The following FAM13B variants were observed in gnomAD, a reference collection of about 807,000 sequenced individuals.
The protein encoded by FAM13B is family with sequence similarity 13 member B.
A neutral mutation model predicts 117.3 loss-of-function variants in FAM13B; 60 were observed. That is an observed-to-expected ratio of 0.51 (90% confidence interval 0.42 to 0.63). FAM13B has a LOEUF of 0.63. Among genes scored for constraint, FAM13B ranks in the 30% least tolerant of loss-of-function variants. FAM13B has a pLI of 0.00. For missense variants in FAM13B, 972 were observed against 1,091.9 expected, an observed-to-expected ratio of 0.89 and a Z score of 1.55; for synonymous variants, 332 against 356.1, an observed-to-expected ratio of 0.93 and a Z score of 0.76.
intron 1 of FAM13B, among the ~76,000 whole-genome samples, chr5:138,026,308 C>T (rs1217609029): frequency 6.6e-6 from 1 of 151,978 alleles, no homozygotes. Context: ...TGTATATAAA[C>T]CATACTTCAA....
chr5:138,024,683 G>C (rs76271710), intron 1 of FAM13B, among the ~76,000 whole-genome samples: 5,024 of 151,702 alleles, frequency 0.033, 189 homozygotes, highest in Admixed American at 0.11. Flanking sequence ...ATAAAATGTC[G>C]AGAAAGCAGT....
At chr5:137,949,814 A>T (rs936582800) in intron 17 of FAM13B, among the ~76,000 whole-genome samples, 30 of 135,572 alleles carry the variant, frequency 2.2e-4, no homozygotes, top group African/African-American at 7.5e-4. Flanking sequence ...AAAAAAAAAA[A>T]GCTGAGCACT....
chr5:137,987,048 T>A (rs913022388), intron 9 of FAM13B, among the ~76,000 whole-genome samples: 12 of 152,178 alleles, frequency 7.9e-5, no homozygotes, highest in Non-Finnish European at 1.8e-4. Flanking sequence ...AAAGGATGAT[T>A]CTGCCCACCA....
chr5:137,950,015 T>A (rs1377340615), intron 17 of FAM13B, among the ~76,000 whole-genome samples: 2 of 152,126 alleles, frequency 1.3e-5, no homozygotes, highest in African/African-American at 4.8e-5. Context: ...ATTATTTTTA[T>A]ATCCATAGAG....
At position 138,033,077 on chromosome 5, in the gene FAM13B, G is replaced by A; in HGVS notation, c.-498C>T. 1 of 986,120 alleles carries A rather than the reference G, an allele frequency of 1.0e-6. No homozygotes were observed. The highest frequency in any genetic ancestry group is 1.2e-6 in the Non-Finnish European group (1 of 830,566). 61.1% of individuals were successfully genotyped at this position (986,120 alleles called of 1,614,324 possible). ...CCTAACGGCGAGCGGGAGGAGAGCG[G>A]CTGGCGGGCGGAGGCCGGGCCGGAC... On this transcript the variant is annotated 5_prime_UTR_variant, in exon 1 of 24. Transcript: ENST00000689681.
At position 137,980,454 on chromosome 5, in the gene FAM13B, T is replaced by G. The variant is rs199609859; in HGVS notation, c.1179+4803A>C. The stretch of plus-strand genomic sequence containing the variant: ...TACACTAATTTCTTTTTTTTTTTTT[T>G]TTTTTTGAGACAGGGTCTCACTCTG... On this transcript the variant is annotated intron_variant, in intron 10 of 23. Coordinates refer to ENST00000689681, the MANE Select transcript of FAM13B (RefSeq NM_001385994.1). Among the ~76,000 whole-genome samples the G allele has an allele frequency of 1.1e-3, 158 of 149,268 alleles. 3 individuals carry two copies. The East Asian group carries it at 0.021, about 20-fold the overall frequency.
At chr5:137,968,497 A>G (rs570428830) in intron 10 of FAM13B, among the ~76,000 whole-genome samples, 2 of 152,048 alleles carry the variant, frequency 1.3e-5, no homozygotes, top group Admixed American at 1.3e-4. Flanking sequence ...CCAATACATT[A>G]TAGGACTGTG....
chr5:137,941,856 C>G, intron 23 of FAM13B, 88 bp downstream of exon 23: 6 of 1,127,302 alleles, frequency 5.3e-6, no homozygotes, highest in Non-Finnish European at 7.8e-6. Context: ...TGCACAATTT[C>G]TAATCCCACG....
intron 1 of FAM13B, among the ~76,000 whole-genome samples, chr5:138,043,690 G>A (rs4835755): frequency 0.74 from 111,653 of 151,738 alleles, 41,753 homozygotes; most frequent in East Asian, 0.97. Flanking sequence ...CGCCTGCCTC[G>A]GCCTCCCAAA....
At chr5:137,972,149 G>A (rs1459968468) in intron 10 of FAM13B, among the ~76,000 whole-genome samples, 1 of 150,738 alleles carries the variant, frequency 6.6e-6, no homozygotes, top group African/African-American at 2.4e-5. Flanking sequence ...GCCAGGCAGA[G>A]ACACAACCAA....
intron 11 of FAM13B, 140 bp downstream of exon 11, chr5:137,962,265 A>G (rs1768345898): frequency 4.5e-6 from 3 of 659,348 alleles, no homozygotes; most frequent in Non-Finnish European, 5.2e-6. Flanking sequence ...CTTTATGCCT[A>G]CCATTATAAC....
At chr5:137,949,542 T>C (rs1764339228) in intron 17 of FAM13B, among the ~76,000 whole-genome samples, 1 of 152,090 alleles carries the variant, frequency 6.6e-6, no homozygotes, top group South Asian at 2.1e-4. Context: ...CACTTTGGGA[T>C]GCCAAGGTGG....
intron 11 of FAM13B, among the ~76,000 whole-genome samples, chr5:137,960,650 T>C (rs1456865816): frequency 3.9e-5 from 6 of 152,198 alleles, no homozygotes; most frequent in Admixed American, 6.5e-5. Flanking sequence ...TGTCTTTTAC[T>C]TTAAACTTGA....
Position 137,988,266 on chromosome 5 carries a change from C to A in FAM13B, c.890+8G>T. ...TAAAAATTTGTCTTCTATAAATATA[C>A]TACTTACTCTGTAGAGGCTGGTAGG... On this transcript the variant is annotated splice_region_variant and intron_variant, in intron 8 of 23. Coordinates refer to ENST00000689681, the MANE Select transcript of FAM13B (RefSeq NM_001385994.1). 1.3e-6 allele frequency: 2 copies of A among 1,537,818 alleles called. No homozygotes were observed. Among genetic ancestry groups the A allele is most frequent in the South Asian group, 1.3e-5 (1 of 79,754 alleles).
chr5:137,970,504 T>C (rs1771754292), intron 10 of FAM13B, among the ~76,000 whole-genome samples: 1 of 151,642 alleles, frequency 6.6e-6, no homozygotes, highest in Non-Finnish European at 1.5e-5. Flanking sequence ...CACTGCAAAA[T>C]CATGCCAAAA....
intron 10 of FAM13B, among the ~76,000 whole-genome samples, chr5:137,974,619 TAAAAA>T (rs1160488133): frequency 3.3e-5 from 2 of 60,306 alleles, no homozygotes; most frequent in Admixed American, 3.6e-4. Context: ...TAATAATAAA[TAAAAA>T]AAAGAAAAAA....
At chr5:137,957,370 C>T (rs1428104140) in intron 13 of FAM13B, among the ~76,000 whole-genome samples, 3 of 151,850 alleles carry the variant, frequency 2.0e-5, no homozygotes, top group South Asian at 2.1e-4. Context: ...AGAGAAACTC[C>T]GTCTCTACTA....
At chr5:138,015,462 G>A (rs1331114427) in intron 4 of FAM13B, among the ~76,000 whole-genome samples, 1 of 152,174 alleles carries the variant, frequency 6.6e-6, no homozygotes, top group African/African-American at 2.4e-5. Flanking sequence ...CAGCACTCTG[G>A]GAGGCCAAGG....
intron 1 of FAM13B, among the ~76,000 whole-genome samples, chr5:138,046,952 G>A (rs962092017): frequency 2.6e-5 from 4 of 151,684 alleles, no homozygotes; most frequent in African/African-American, 7.3e-5. Context: ...CACCATCTTG[G>A]CCAGGCTGGT....
Sources: gnomAD v4.1 joint callset for allele counts (sites outside exome capture counted in the v4.1 genomes callset) on GRCh38, gnomAD v4.1.1 for gene constraint, MANE v1.5 for transcripts, NCBI Gene and HGNC (gene_info 2026-07-23, HGNC 2026-07-21) for gene names.